STXBP5L: variants seen among roughly 807,000 people sequenced by gnomAD.
STXBP5L encodes the protein syntaxin-binding protein 5-like.
A neutral mutation model predicts 144.5 loss-of-function variants in STXBP5L; 65 were observed. The ratio of observed to expected loss-of-function variants is 0.45; its 90% CI spans 0.37 to 0.55. The LOEUF (loss-of-function observed/expected upper bound fraction) is 0.55. Among genes scored for constraint, STXBP5L ranks in the 20% least tolerant of loss-of-function variants. The probability of loss-of-function intolerance (pLI) is 0.00; values close to 1 mark genes in which losing one functional copy is unlikely to be tolerated. For missense variants in STXBP5L, 1,298 were observed against 1,405.5 expected (o/e 0.92, Z 1.22); for synonymous variants, 505 against 469.6 (o/e 1.08, Z -0.97).
chr3:120,960,168 T>C (rs1234156745), intron 3 of STXBP5L, among the ~76,000 whole-genome samples: 1 of 152,174 alleles, frequency 6.6e-6, no homozygotes, highest in Non-Finnish European at 1.5e-5. Flanking sequence ...ATGCTCATCA[T>C]CACTGGGCAA....
intron 5 of STXBP5L, among the ~76,000 whole-genome samples, chr3:121,061,914 A>G (rs1370971024): frequency 6.6e-6 from 1 of 150,446 alleles, no homozygotes; most frequent in East Asian, 2.0e-4. Context: ...TGTCTTGACT[A>G]TCCAGTTTGC....
At chr3:121,176,594 A>T (rs895091798) in intron 9 of STXBP5L, among the ~76,000 whole-genome samples, 2 of 151,854 alleles carry the variant, frequency 1.3e-5, no homozygotes, top group Non-Finnish European at 2.9e-5. Context: ...TCAAAAATTT[A>T]AAAATTATGA....
intron 3 of STXBP5L, among the ~76,000 whole-genome samples, chr3:120,983,853 A>G (rs925312471): frequency 1.3e-5 from 2 of 152,170 alleles, no homozygotes; most frequent in African/African-American, 4.8e-5. Flanking sequence ...TAGACAATCC[A>G]TTCAAAGTGT....
chr3:121,314,460 C>T (rs1264970140), intron 19 of STXBP5L, among the ~76,000 whole-genome samples: 4 of 141,688 alleles, frequency 2.8e-5, no homozygotes, highest in African/African-American at 5.2e-5. Flanking sequence ...TCAGGCGTGG[C>T]GGCGCGCGCC....
chr3:121,399,303 T>C (rs925159595), intron 22 of STXBP5L, among the ~76,000 whole-genome samples: 3 of 152,174 alleles, frequency 2.0e-5, no homozygotes, highest in African/African-American at 4.8e-5. Context: ...GCTAGTTCCA[T>C]GTTCTCCAAC....
chr3:121,164,302 C>A (rs987373663), intron 9 of STXBP5L, among the ~76,000 whole-genome samples: 1 of 152,142 alleles, frequency 6.6e-6, no homozygotes, highest in Admixed American at 6.5e-5. Flanking sequence ...TATGAGAAAT[C>A]ATCTTACACC....
chr3:121,186,643 C>T (rs2108134627), intron 9 of STXBP5L, among the ~76,000 whole-genome samples: 1 of 152,256 alleles, frequency 6.6e-6, no homozygotes, highest in South Asian at 2.1e-4. Flanking sequence ...AGGGATGAAG[C>T]CCACTTGATC....
At chr3:120,984,632 C>CTTTTTTTTTTTTT (rs35656223) in intron 3 of STXBP5L, among the ~76,000 whole-genome samples, 37 of 71,966 alleles carry the variant, frequency 5.1e-4, no homozygotes, top group African/African-American at 7.4e-4. Flanking sequence ...TCTTTCTTTC[C>CTTTTTTTTTTTTT]TTTTTTTTTT....
chr3:121,042,111 T>A (rs1012562956), intron 4 of STXBP5L, among the ~76,000 whole-genome samples: 5 of 152,158 alleles, frequency 3.3e-5, no homozygotes, highest in African/African-American at 1.2e-4. Context: ...CCCACCAACT[T>A]AAATTTTGTA....
chr3:121,332,118 C>G (rs1287154602), intron 20 of STXBP5L, among the ~76,000 whole-genome samples: 1 of 149,386 alleles, frequency 6.7e-6, no homozygotes, highest in Non-Finnish European at 1.5e-5. Flanking sequence ...AAAATAAATC[C>G]AAAAATAATT....
intron 2 of STXBP5L, among the ~76,000 whole-genome samples, chr3:120,934,060 C>T (rs1291816265): frequency 6.7e-6 from 1 of 149,118 alleles, no homozygotes; most frequent in African/African-American, 2.5e-5. Context: ...TAGGTTAGCT[C>T]TAATTTATTT....
chr3:121,173,883 A>G (rs2046829946), intron 9 of STXBP5L, among the ~76,000 whole-genome samples: 1 of 148,968 alleles, frequency 6.7e-6, no homozygotes, highest in African/African-American at 2.5e-5. Context: ...CATTTCCAGC[A>G]TCAGTAGTGG....
intron 8 of STXBP5L, among the ~76,000 whole-genome samples, chr3:121,153,381 G>T (rs1197095356): frequency 2.6e-5 from 4 of 152,024 alleles, no homozygotes; most frequent in Non-Finnish European, 4.4e-5. Flanking sequence ...TTTGAAAATG[G>T]TGGGAGTAGG....
chr3:121,028,512 G>C (rs1394296088), intron 3 of STXBP5L, among the ~76,000 whole-genome samples: 1 of 152,068 alleles, frequency 6.6e-6, no homozygotes, highest in African/African-American at 2.4e-5. Context: ...ATCCACTGCT[G>C]TGTGTTCCCA....
chr3:121,006,158 A>C (rs1944280896), intron 3 of STXBP5L, among the ~76,000 whole-genome samples: 1 of 152,152 alleles, frequency 6.6e-6, no homozygotes, highest in African/African-American at 2.4e-5. Flanking sequence ...GGGGTGTTAA[A>C]GTCTCCCATT....
At chr3:121,250,813 T>A in intron 15 of STXBP5L, 50 bp downstream of exon 15, 1 of 1,485,772 alleles carries the variant, frequency 6.7e-7, no homozygotes, top group Non-Finnish European at 9.2e-7. Context: ...AATATTTACT[T>A]ATAGCCAGCT....
At chr3:121,028,407 TCCTCAAAA>T (rs1325844907) in intron 3 of STXBP5L, among the ~76,000 whole-genome samples, 2 of 152,078 alleles carry the variant, frequency 1.3e-5, no homozygotes, top group Non-Finnish European at 1.5e-5. Context: ...TACTAGAATA[TCCTCAAAA>T]ACTTAGAAAT....
chr3:121,275,327 A>C (rs1313203096), intron 18 of STXBP5L, among the ~76,000 whole-genome samples: 1 of 152,158 alleles, frequency 6.6e-6, no homozygotes, highest in Non-Finnish European at 1.5e-5. Context: ...GAATTTGTAG[A>C]TCAGTTTGGG....
chr3:121,028,789 C>A (rs1333207006), intron 3 of STXBP5L, among the ~76,000 whole-genome samples: 4 of 152,004 alleles, frequency 2.6e-5, no homozygotes, highest in Non-Finnish European at 4.4e-5. Context: ...CTTCACTGAG[C>A]CAAAATTCCA....
Sources: gnomAD v4.1 joint callset for allele counts (sites outside exome capture counted in the v4.1 genomes callset) on GRCh38, gnomAD v4.1.1 for gene constraint, MANE v1.5 for transcripts, NCBI Gene and HGNC (gene_info 2026-07-23, HGNC 2026-07-21) for gene names.